Variants in EDC3 observed in about 807,000 individuals in gnomAD.
The protein encoded by EDC3 is enhancer of mRNA decapping 3.
In EDC3, 20 loss-of-function variants were observed where a neutral mutation model predicts 41.8. That is an observed-to-expected ratio of 0.48 (90% confidence interval 0.34 to 0.70). The LOEUF (loss-of-function observed/expected upper bound fraction) is 0.70, where lower values mean the gene tolerates loss of function less well. Among genes scored for constraint, EDC3 ranks in the 30% least tolerant of loss-of-function variants. EDC3 has a pLI of 0.01. For synonymous variants in EDC3, 206 were observed against 243.2 expected (o/e 0.85, Z 1.42); for missense variants, 444 against 636.8 (o/e 0.70, Z 3.26).
chr15:74,640,748 T>G (rs1485366698), intron 4 of EDC3, 129 bp from the exon 5 acceptor site: 5 of 1,194,094 alleles, frequency 4.2e-6, no homozygotes, highest in Non-Finnish European at 5.9e-6. Flanking sequence ...ATCCTCTTCA[T>G]CTTCCGGGAC....
rs763893555 is a variant in EDC3 at position 74,671,407 on chromosome 15, G to GC, written c.484+47dup. On this transcript the variant is annotated intron_variant, in intron 3 of 6. Transcript: ENST00000315127. This position sits in a 1 kb window ranked among gnomAD's most constrained non-coding sequence, Gnocchi z 4.6. Reference sequence around the variant, plus strand: ...AGAGCAGCAGTGCTTATGGCTTATAGCCCTGAAACACCAGATTGAGAAGAA... The same window carrying GC: ...AGAGCAGCAGTGCTTATGGCTTATAGCCCCTGAAACACCAGATTGAGAAGAA... 2.0e-5 allele frequency: 31 copies of GC among 1,568,442 alleles called. No homozygotes were observed. Among genetic ancestry groups the GC allele is most frequent in the Non-Finnish European group, 2.7e-5 (31 of 1,150,646 alleles).
chr15:74,672,026 C>G (rs1374369993), intron 2 of EDC3, among the ~76,000 whole-genome samples: 1 of 151,860 alleles, frequency 6.6e-6, no homozygotes, highest in Non-Finnish European at 1.5e-5. Flanking sequence ...CTTTGGGAGG[C>G]CGAGGCGGGC....
intron 1 of EDC3, among the ~76,000 whole-genome samples, chr15:74,682,486 T>C (rs1355790307): frequency 2.0e-5 from 3 of 151,070 alleles, no homozygotes; most frequent in East Asian, 1.9e-4. Flanking sequence ...GGCATGGTGG[T>C]GGGCTCCTGT....
At chr15:74,669,033 C>T (rs954598430) in intron 3 of EDC3, among the ~76,000 whole-genome samples, 1 of 151,780 alleles carries the variant, frequency 6.6e-6, no homozygotes, top group Non-Finnish European at 1.5e-5. Context: ...GTCATGAGTT[C>T]GAAATCAGCT....
chr15:74,668,729 T>TGAATGAAAGAAAGAAAGAAA (rs1555455855), intron 3 of EDC3, among the ~76,000 whole-genome samples: 40 of 140,356 alleles, frequency 2.8e-4, no homozygotes, highest in South Asian at 1.7e-3. Context: ...CAAAAATGAA[T>TGAATGAAAGAAAGAAAGAAA]GAAAGAAAGA....
chr15:74,656,654 C>T (rs1436934846), intron 3 of EDC3, among the ~76,000 whole-genome samples: 6 of 152,164 alleles, frequency 3.9e-5, no homozygotes, highest in East Asian at 3.8e-4. Context: ...ATTCTAGAGG[C>T]GGGTCCCTGG....
Position 74,631,972 on chromosome 15 carries a change from C to A in EDC3, c.*640G>T, listed in dbSNP as rs1399551547. On this transcript the variant is annotated 3_prime_UTR_variant, in exon 7 of 7. Coordinates refer to ENST00000315127, the MANE Select transcript of EDC3 (RefSeq NM_025083.5). The stretch of plus-strand genomic sequence containing the variant: ...CCTAATGCCGCCCCCTTCCCTACCT[C>A]TGAGTGATGGAGGGAAAAGGAGGGA... 6.5e-6 allele frequency: 1 copy of A among 154,776 alleles called. No homozygotes were observed. The highest frequency in any genetic ancestry group is 2.4e-5 in the African/African-American group (1 of 41,462). The allele number at this position is 154,776 out of a possible 1,614,324, so 9.6% of individuals were successfully genotyped here.
intron 4 of EDC3, among the ~76,000 whole-genome samples, chr15:74,654,541 T>C (rs1162877964): frequency 1.3e-5 from 2 of 152,172 alleles, no homozygotes; most frequent in African/African-American, 4.8e-5. Context: ...TTTACACAGG[T>C]GTTAAAAATC....
chr15:74,692,830 G>A (rs1378866080), intron 1 of EDC3: 1 of 152,014 alleles, frequency 6.6e-6, no homozygotes, highest in Non-Finnish European at 1.5e-5. Context: ...TTTTTAAGAA[G>A]TCAATATTTA....
chr15:74,679,150 C>T (rs1390746900), intron 1 of EDC3, among the ~76,000 whole-genome samples: 6 of 151,876 alleles, frequency 4.0e-5, no homozygotes, highest in African/African-American at 1.2e-4. Context: ...TAGCCAAGAT[C>T]GCGCCACTGC....
intron 3 of EDC3, among the ~76,000 whole-genome samples, chr15:74,668,599 A>G (rs1181581448): frequency 6.6e-6 from 1 of 152,168 alleles, no homozygotes; most frequent in African/African-American, 2.4e-5. Flanking sequence ...ACACACCTGT[A>G]GTCCCAGCTA....
At chr15:74,690,576 T>C (rs1170992610) in intron 1 of EDC3, among the ~76,000 whole-genome samples, 1 of 152,244 alleles carries the variant, frequency 6.6e-6, no homozygotes, top group Non-Finnish European at 1.5e-5. Context: ...TATAGATTTC[T>C]GAAAAACTAG....
intron 5 of EDC3, chr15:74,640,171 G>A: frequency 3.0e-6 from 1 of 332,534 alleles, no homozygotes; most frequent in Non-Finnish European, 5.5e-6. Flanking sequence ...GTCTCCGAAG[G>A]TTCCTAGAAG....
chr15:74,635,655 A>G (rs769512771), intron 5 of EDC3, 29 bp from the exon 6 acceptor site: 1 of 1,599,532 alleles, frequency 6.3e-7, no homozygotes, highest in African/African-American at 1.3e-5. Context: ...AAGCAGTATC[A>G]GCTACATACT....
intron 4 of EDC3, among the ~76,000 whole-genome samples, chr15:74,649,539 A>G (rs2062456742): frequency 6.6e-6 from 1 of 152,236 alleles, no homozygotes; most frequent in Non-Finnish European, 1.5e-5. Context: ...TAGGTATTCT[A>G]TAAATGCTGA....
rs141774785 is a variant in EDC3 at position 74,651,175 on chromosome 15, C to T, written c.820+4558G>A. Among the ~76,000 whole-genome samples the T allele has an allele frequency of 1.1e-4, 17 of 152,228 alleles. No individual in the cohort carries two copies. In the East Asian group the frequency reaches 2.1e-3, roughly 19 times the overall value. Reference sequence around the variant, plus strand: ...TTTATATTTAAACTTAACACATGCACGTAGAATCAGTCTTCAAAGAATTTC... The same window carrying T: ...TTTATATTTAAACTTAACACATGCATGTAGAATCAGTCTTCAAAGAATTTC... On this transcript the variant is annotated intron_variant, in intron 4 of 6. Coordinates refer to ENST00000315127, the MANE Select transcript of EDC3 (RefSeq NM_025083.5).
At chr15:74,664,388 A>G (rs988662049) in intron 3 of EDC3, among the ~76,000 whole-genome samples, 2 of 152,238 alleles carry the variant, frequency 1.3e-5, no homozygotes, top group Non-Finnish European at 2.9e-5. Context: ...TTTACCTTTC[A>G]ATTACAAGGG....
chr15:74,654,009 T>C (rs2062513117), intron 4 of EDC3, among the ~76,000 whole-genome samples: 1 of 151,842 alleles, frequency 6.6e-6, no homozygotes, highest in African/African-American at 2.4e-5. Context: ...TCCCAGCGCT[T>C]TGGGAGGCCA....
chr15:74,667,627 A>G (rs1596320966), intron 3 of EDC3, among the ~76,000 whole-genome samples: 1 of 152,248 alleles, frequency 6.6e-6, no homozygotes, highest in South Asian at 2.1e-4. Context: ...TCAAAGGGAC[A>G]TGAGATCCAA....
Sources: gnomAD v4.1 joint callset for allele counts (sites outside exome capture counted in the v4.1 genomes callset) on GRCh38, gnomAD v4.1.1 for gene constraint, Gnocchi (gnomAD v3.1) non-coding constraint, MANE v1.5 for transcripts, NCBI Gene and HGNC (gene_info 2026-07-23, HGNC 2026-07-21) for gene names.